The following SAR1B variants were observed in gnomAD, a reference collection of about 807,000 sequenced individuals.
SAR1B encodes the protein secretion associated Ras related GTPase 1B.
A neutral mutation model predicts 26.8 loss-of-function variants in SAR1B; 23 were observed. That is an observed-to-expected ratio of 0.86 (90% CI 0.62 to 1.22). The LOEUF (loss-of-function observed/expected upper bound fraction) is 1.22. Among genes scored for constraint, SAR1B ranks in the 50% most tolerant of loss-of-function variants. The pLI is 0.00. For synonymous variants in SAR1B, 65 were observed against 80.8 expected (o/e 0.80, Z 1.05); for missense variants, 196 against 232.8 (o/e 0.84, Z 1.03).
chr5:134,610,742 T>C lies in SAR1B; in HGVS notation c.245-1068A>G, dbSNP rs1450607444. Among the ~76,000 whole-genome samples the C allele has an allele frequency of 3.3e-5, 5 of 151,392 alleles. No individual in the cohort carries two copies. The South Asian group carries it at 1.0e-3, about 32-fold the overall frequency. On this transcript the variant is annotated intron_variant, in intron 4 of 6. Coordinates refer to ENST00000402673, the MANE Select transcript of SAR1B (RefSeq NM_016103.4). The stretch of plus-strand genomic sequence containing the variant: ...GAACCAGACTCTGTTTCAAAAAAAA[T>C]AATTAAAAAAAAACCAAAACAAAAT...
intron 1 of SAR1B, among the ~76,000 whole-genome samples, chr5:134,628,306 A>C (rs1765535791): frequency 6.6e-6 from 1 of 151,376 alleles, no homozygotes; most frequent in Non-Finnish European, 1.5e-5. Context: ...TAAAAAATAC[A>C]CATTAGTTCT....
chr5:134,628,580 C>T (rs1482361458), intron 1 of SAR1B, among the ~76,000 whole-genome samples: 2 of 151,900 alleles, frequency 1.3e-5, no homozygotes, highest in South Asian at 4.2e-4. Context: ...GTTTGGGAGG[C>T]GAAGGCAGGA....
At chr5:134,630,917 T>TTTTTTTTTTTTTTTTTTTTTG (rs1765593559) in intron 1 of SAR1B, among the ~76,000 whole-genome samples, 1 of 139,418 alleles carries the variant, frequency 7.2e-6, no homozygotes, top group Non-Finnish European at 1.6e-5. Context: ...TTTTTTTTTT[T>TTTTTTTTTTTTTTTTTTTTTG]AGCAACAATG....
chr5:134,620,373 A>G (rs1765385843), intron 3 of SAR1B, among the ~76,000 whole-genome samples: 1 of 152,180 alleles, frequency 6.6e-6, no homozygotes, highest in Admixed American at 6.5e-5. Flanking sequence ...CTATTTACCA[A>G]TCATGTCACA....
rs905926267 is a variant in SAR1B at position 134,601,420 on chromosome 5, G to T, written c.*5530C>A. ...AGTGGTGTACAAAAGTGCAAACAAG[G>T]TTAGTGATTAACAACTTACCATCAA... On this transcript the variant is annotated 3_prime_UTR_variant, in exon 7 of 7. Coordinates refer to ENST00000402673, the MANE Select transcript of SAR1B (RefSeq NM_016103.4). 4.6e-5 allele frequency: 7 copies of T among 152,100 alleles called. No homozygotes were observed. The highest frequency in any genetic ancestry group is 4.8e-5 in the African/African-American group (2 of 41,412). The allele number at this position is 152,100 out of a possible 1,614,324, so 9.4% of individuals were successfully genotyped here.
chr5:134,616,095 A>G (rs1765310732), intron 3 of SAR1B, among the ~76,000 whole-genome samples: 1 of 139,608 alleles, frequency 7.2e-6, no homozygotes, highest in Non-Finnish European at 1.5e-5. Flanking sequence ...TGGCCACTGC[A>G]CTCCAGCCTG....
At chr5:134,628,914 A>G (rs1185352195) in intron 1 of SAR1B, among the ~76,000 whole-genome samples, 3 of 152,010 alleles carry the variant, frequency 2.0e-5, no homozygotes, top group Non-Finnish European at 4.4e-5. Flanking sequence ...TCGGTGTCCC[A>G]AAGTGCTGGG....
At chr5:134,619,503 G>C (rs1450253502) in intron 3 of SAR1B, among the ~76,000 whole-genome samples, 1 of 151,026 alleles carries the variant, frequency 6.6e-6, no homozygotes, top group African/African-American at 2.4e-5. Context: ...AGGACTACAG[G>C]TGTATGCCAC....
At chr5:134,609,427 A>C in intron 5 of SAR1B, 144 bp downstream of exon 5, 1 of 707,190 alleles carries the variant, frequency 1.4e-6, no homozygotes, top group Non-Finnish European at 2.6e-6. Context: ...ATCACTACTT[A>C]AAGCAATCAC....
In SAR1B at chr5:134,629,728, A is replaced by C. The variant is rs189758341; in HGVS notation, c.-19+3000T>G. On this transcript the variant is annotated intron_variant, in intron 1 of 6. Transcript: ENST00000402673. ...ACAAACAAACAAACAAACAAACAAAAAAAAACAATTAGCTGGGTGTGGTGG... is the reference window on the plus strand; with the variant it reads ...ACAAACAAACAAACAAACAAACAAACAAAAACAATTAGCTGGGTGTGGTGG... Among the ~76,000 whole-genome samples the C allele has an allele frequency of 1.2e-3, 180 of 150,526 alleles. 1 individual carries two copies. The highest frequency in any genetic ancestry group is 2.1e-3 in the East Asian group (11 of 5,142).
At position 134,602,326 on chromosome 5, in the gene SAR1B, T is replaced by G. The variant is rs1451235201; in HGVS notation, c.*4624A>C. 2 of 152,186 alleles carry G rather than the reference T, an allele frequency of 1.3e-5. No individual in the cohort carries two copies. The highest frequency in any genetic ancestry group is 2.9e-5 in the Non-Finnish European group (2 of 68,042). The allele number at this position is 152,186 out of a possible 1,614,324, so 9.4% of individuals were successfully genotyped here. Reference sequence around the variant, plus strand: ...AATTATAAGGACAAAAATTAATTGGTTCAGAACTGCCTCTTTAATAGACTC... The same window carrying G: ...AATTATAAGGACAAAAATTAATTGGGTCAGAACTGCCTCTTTAATAGACTC... On this transcript the variant is annotated 3_prime_UTR_variant, in exon 7 of 7. Transcript: ENST00000402673.
chr5:134,619,907 C>T (rs1765376828), intron 3 of SAR1B, among the ~76,000 whole-genome samples: 1 of 151,960 alleles, frequency 6.6e-6, no homozygotes, highest in Non-Finnish European at 1.5e-5. Flanking sequence ...ATCACTTGCA[C>T]CTGGGAGTTT....
rs1765098363 is a variant in SAR1B at position 134,604,484 on chromosome 5, C to T, written c.*2466G>A. On this transcript the variant is annotated 3_prime_UTR_variant, in exon 7 of 7. Coordinates refer to ENST00000402673, the MANE Select transcript of SAR1B (RefSeq NM_016103.4). ...AAGAGCAGTACCCAGTGCATATACT[C>T]TGGAGAGGTTCTCAAAGCTGGACAG... is the stretch of plus-strand genomic sequence containing the variant. 6.6e-6 allele frequency: 1 copy of T among 152,242 alleles called. No individual in the cohort carries two copies. The highest frequency in any genetic ancestry group is 2.4e-5 in the African/African-American group (1 of 41,456). The allele number at this position is 152,242 out of a possible 1,614,324, so 9.4% of individuals were successfully genotyped here. A position where few individuals can be genotyped will look rare whatever the true frequency, so the allele number is the denominator to read the frequency against.
intron 2 of SAR1B, among the ~76,000 whole-genome samples, chr5:134,621,401 C>T (rs1175622738): frequency 6.6e-6 from 1 of 151,990 alleles, no homozygotes; most frequent in East Asian, 1.9e-4. Context: ...ACCCAGGAAG[C>T]AGAAGTTGCG....
intron 2 of SAR1B, among the ~76,000 whole-genome samples, chr5:134,622,434 G>A (rs1391231389): frequency 5.8e-5 from 8 of 137,800 alleles, no homozygotes; most frequent in African/African-American, 1.1e-4. Context: ...TTTTTGAGAC[G>A]GAGTCTCGCT....
intron 1 of SAR1B, among the ~76,000 whole-genome samples, chr5:134,626,927 G>A (rs1214146063): frequency 6.6e-6 from 1 of 151,998 alleles, no homozygotes; most frequent in Admixed American, 6.6e-5. Context: ...ATTTTAAAAG[G>A]TCGATTTTAT....
intron 1 of SAR1B, among the ~76,000 whole-genome samples, chr5:134,626,386 G>GT (rs758249657): frequency 1.9e-4 from 28 of 144,616 alleles, no homozygotes; most frequent in African/African-American, 3.8e-4. Context: ...AGAATTAACT[G>GT]TTTTTTTATT....
intron 1 of SAR1B, among the ~76,000 whole-genome samples, chr5:134,629,900 G>A (rs1400073933): frequency 4.9e-4 from 72 of 145,486 alleles, no homozygotes; most frequent in African/African-American, 1.6e-3. Flanking sequence ...AAAAAAAAAA[G>A]AAAAAAAAGA....
At chr5:134,612,508 G>A (rs545155298) in intron 4 of SAR1B, among the ~76,000 whole-genome samples, 183 bp downstream of exon 4, 17 of 151,720 alleles carry the variant, frequency 1.1e-4, no homozygotes, top group South Asian at 6.2e-4. Flanking sequence ...AGCTGGGCGC[G>A]GTGGCACATG....
Sources: allele counts gnomAD v4.1 joint callset (sites outside exome capture counted in the v4.1 genomes callset), GRCh38; gene constraint gnomAD v4.1.1; transcripts MANE v1.5; gene names NCBI Gene and HGNC (gene_info 2026-07-23, HGNC 2026-07-21).